Variants in OTOGL observed in about 807,000 individuals in gnomAD.
OTOGL encodes otogelin-like protein.
In OTOGL, 285 loss-of-function variants were observed where a neutral mutation model predicts 318.5. That is an observed-to-expected ratio of 0.89 (90% CI 0.81 to 0.99). The LOEUF (loss-of-function observed/expected upper bound fraction) is 0.99, where lower values mean the gene tolerates loss of function less well. OTOGL is among the 50% of genes least tolerant of loss of function. The pLI is 0.00. For missense variants in OTOGL, 2,899 were observed against 2,845.6 expected (o/e 1.02, Z -0.43); for synonymous variants, 987 against 936.5 (o/e 1.05, Z -0.99).
At chr12:80,244,922 G>A (rs1449199025) in intron 11 of OTOGL, among the ~76,000 whole-genome samples, 1 of 147,900 alleles carries the variant, frequency 6.8e-6, no homozygotes, top group East Asian at 1.9e-4. Context: ...GGCCAGTGAT[G>A]ATGAGCATTT....
At chr12:80,368,335 T>A (rs745347109) in intron 55 of OTOGL, 26 bp downstream of exon 55, 1 of 1,517,884 alleles carries the variant, frequency 6.6e-7, no homozygotes, top group South Asian at 1.2e-5. Flanking sequence ...AGTAATGCTC[T>A]GTGCTATTTT....
intron 57 of OTOGL, among the ~76,000 whole-genome samples, chr12:80,373,016 T>C (rs987698670): frequency 2.0e-5 from 3 of 152,158 alleles, no homozygotes; most frequent in Non-Finnish European, 2.9e-5. Flanking sequence ...TAGAGTGTTT[T>C]CCATGAAACC....
chr12:80,271,867 T>G, intron 24 of OTOGL, 57 bp downstream of exon 24: 1 of 1,522,316 alleles, frequency 6.6e-7, no homozygotes, highest in Non-Finnish European at 9.0e-7. Context: ...GCACAATATC[T>G]CCTGAAAACA....
chr12:80,143,462 C>G (rs1872088694), intron 1 of OTOGL, among the ~76,000 whole-genome samples: 1 of 152,108 alleles, frequency 6.6e-6, no homozygotes, highest in African/African-American at 2.4e-5. Flanking sequence ...CACCTTCTTT[C>G]CCATTAATTG....
intron 1 of OTOGL, among the ~76,000 whole-genome samples, chr12:80,199,246 T>G (rs1037667946): frequency 6.6e-6 from 1 of 152,206 alleles, no homozygotes; most frequent in African/African-American, 2.4e-5. Context: ...CCTACCATGC[T>G]TTTTCCTTCT....
chr12:80,235,485 A>G (rs1434729154), intron 9 of OTOGL, among the ~76,000 whole-genome samples: 4 of 151,682 alleles, frequency 2.6e-5, no homozygotes, highest in South Asian at 4.2e-4. Context: ...AAAAAAAAAA[A>G]AAAAGAAAGA....
chr12:80,160,096 C>G (rs1478176406), intron 1 of OTOGL, among the ~76,000 whole-genome samples: 2 of 152,030 alleles, frequency 1.3e-5, no homozygotes, highest in Non-Finnish European at 2.9e-5. Context: ...AAAAATCAAT[C>G]TGAGATGGAT....
At chr12:80,146,365 G>T (rs12229295) in intron 1 of OTOGL, among the ~76,000 whole-genome samples, 69,171 of 146,868 alleles carry the variant, frequency 0.47, 16,710 homozygotes, top group African/African-American at 0.52. Context: ...TACATTTATT[G>T]ATTTGCGTAT....
intron 57 of OTOGL, among the ~76,000 whole-genome samples, chr12:80,374,983 T>A (rs1891098182): frequency 6.6e-6 from 1 of 152,092 alleles, no homozygotes; most frequent in Non-Finnish European, 1.5e-5. Flanking sequence ...TAGTAAATAA[T>A]AAATTTAGGC....
chr12:80,147,300 AT>A (rs1183155093), intron 1 of OTOGL, among the ~76,000 whole-genome samples: 2 of 144,180 alleles, frequency 1.4e-5, no homozygotes, highest in African/African-American at 5.3e-5. Context: ...TTCTGCCTTC[AT>A]TTCGTTATGT....
At chr12:80,194,150 G>C (rs1444063388) in intron 1 of OTOGL, among the ~76,000 whole-genome samples, 1 of 152,174 alleles carries the variant, frequency 6.6e-6, no homozygotes, top group African/African-American at 2.4e-5. Flanking sequence ...CAAACGTTAG[G>C]CATGTGACCT....
At chr12:80,356,771 C>A in intron 48 of OTOGL, 36 bp from the exon 49 acceptor site, 3 of 1,288,848 alleles carry the variant, frequency 2.3e-6, no homozygotes, top group South Asian at 1.5e-5. Context: ...TTTTATTATG[C>A]TATACAAATT....
intron 26 of OTOGL, among the ~76,000 whole-genome samples, chr12:80,291,620 G>A (rs566488209): frequency 1.8e-4 from 28 of 152,284 alleles, no homozygotes; most frequent in African/African-American, 6.3e-4. Context: ...CATAAACAAG[G>A]TGTCAGGCCA....
At chr12:80,330,124 G>A (rs1180728978) in intron 37 of OTOGL, among the ~76,000 whole-genome samples, 1 of 152,252 alleles carries the variant, frequency 6.6e-6, no homozygotes. Context: ...CAGTTTGAGG[G>A]GAATTGTGCC....
intron 1 of OTOGL, among the ~76,000 whole-genome samples, chr12:80,179,597 G>C (rs996616245): frequency 2.0e-5 from 3 of 152,094 alleles, no homozygotes; most frequent in Non-Finnish European, 4.4e-5. Context: ...AGATTCCCAG[G>C]GTTCTTTACC....
intron 27 of OTOGL, among the ~76,000 whole-genome samples, chr12:80,300,295 C>G (rs1452872373): frequency 6.6e-6 from 1 of 151,460 alleles, no homozygotes; most frequent in East Asian, 1.9e-4. Context: ...GTGCTGAGGG[C>G]CTTCCTTGCC....
rs541186294 is a variant in OTOGL, at chr12:80,128,273, C to CT, written c.-20+28669dup. Among the ~76,000 whole-genome samples, 36 of 152,320 alleles carry CT rather than the reference C, an allele frequency of 2.4e-4. No homozygotes were observed. In the South Asian group the frequency reaches 6.0e-3, roughly 25 times the overall value. ...TCCTTCTAACAGTCAGGACCCTCAG[C>CT]TGCAGGTCTGCTGGAGTTTGCTGGA... On this transcript the variant is annotated intron_variant, in intron 1 of 58. Coordinates refer to ENST00000547103, the MANE Select transcript of OTOGL (RefSeq NM_001378609.3).
At chr12:80,325,081 A>G (rs1409311735) in intron 35 of OTOGL, among the ~76,000 whole-genome samples, 1 of 152,110 alleles carries the variant, frequency 6.6e-6, no homozygotes, top group Non-Finnish European at 1.5e-5. Context: ...ATATGGATCA[A>G]TAGTAGGAGA....
At chr12:80,293,945 C>T (rs2137694049) in intron 26 of OTOGL, among the ~76,000 whole-genome samples, 1 of 152,160 alleles carries the variant, frequency 6.6e-6, no homozygotes, top group South Asian at 2.1e-4. Flanking sequence ...ATGACAGGTG[C>T]TGAGACTGAC....
Sources: allele counts gnomAD v4.1 joint callset (sites outside exome capture counted in the v4.1 genomes callset), GRCh38; gene constraint gnomAD v4.1.1; transcripts MANE v1.5; gene names NCBI Gene and HGNC (gene_info 2026-07-23, HGNC 2026-07-21).